Variants in EFHC2 observed in about 807,000 individuals in gnomAD.
The protein encoded by EFHC2 is EF-hand domain containing 2.
A neutral mutation model predicts 52.7 loss-of-function variants in EFHC2; 18 were observed. The observed-to-expected ratio is 0.34, with a 90% confidence interval of 0.24 to 0.51. The LOEUF is 0.51. Among genes scored for constraint, EFHC2 ranks in the 20% least tolerant of loss-of-function variants. The pLI is 0.97. For synonymous variants in EFHC2, 203 were observed against 204.1 expected, an observed-to-expected ratio of 0.99 and a Z score of 0.04; for missense variants, 513 against 562.5, an observed-to-expected ratio of 0.91 and a Z score of 0.89.
chrX:44,296,551 T>C (rs1366542489), intron 2 of EFHC2, among the ~76,000 whole-genome samples: 1 of 111,613 alleles, frequency 9.0e-6, no homozygotes, highest in African/African-American at 3.3e-5. Flanking sequence ...TAAAAGGACC[T>C]GCATGAAATT....
intron 1 of EFHC2, among the ~76,000 whole-genome samples, chrX:44,325,186 A>C (rs2038044743): frequency 8.9e-6 from 1 of 111,738 alleles, no homozygotes; most frequent in African/African-American, 3.3e-5. Flanking sequence ...GTAACAGTCC[A>C]TAGGGCACTT....
At chrX:44,341,624 AT>A (rs2038152247) in intron 1 of EFHC2, among the ~76,000 whole-genome samples, 1 of 111,062 alleles carries the variant, frequency 9.0e-6, no homozygotes, top group South Asian at 3.8e-4. Context: ...AATTTTTTCA[AT>A]CTTTTGTAGA....
chrX:44,305,123 G>A (rs2037895628), intron 2 of EFHC2, among the ~76,000 whole-genome samples: 1 of 110,316 alleles, frequency 9.1e-6, no homozygotes, highest in Non-Finnish European at 1.9e-5. Flanking sequence ...TTAGCCGGGT[G>A]TGGTGGTGGG....
At chrX:44,339,839 T>G (rs935330494) in intron 1 of EFHC2, among the ~76,000 whole-genome samples, 6 of 111,845 alleles carry the variant, frequency 5.4e-5, no homozygotes, top group African/African-American at 1.9e-4. Flanking sequence ...ACATCCAATC[T>G]TTTAACTAAG....
At chrX:44,320,867 C>T (rs2038014625) in intron 1 of EFHC2, among the ~76,000 whole-genome samples, 1 of 110,556 alleles carries the variant, frequency 9.0e-6, no homozygotes, top group Non-Finnish European at 1.9e-5. Context: ...CAGGACACCA[C>T]ATTATTCTGG....
intron 11 of EFHC2, among the ~76,000 whole-genome samples, chrX:44,204,234 C>CAAAA (rs61512189): frequency 9.0e-5 from 5 of 55,457 alleles, no homozygotes; most frequent in Admixed American, 2.2e-4. Flanking sequence ...GTAGCAAACC[C>CAAAA]AAAAAAAAAA....
intron 13 of EFHC2, among the ~76,000 whole-genome samples, chrX:44,175,076 T>C (rs1336062740): frequency 9.0e-6 from 1 of 111,383 alleles, no homozygotes; most frequent in Non-Finnish European, 1.9e-5. Context: ...AGACCCTATT[T>C]GAGAACAATG....
At chrX:44,178,630 C>G (rs754639932) in intron 11 of EFHC2, 66 bp from the exon 12 acceptor site, 29 of 922,453 alleles carry the variant, frequency 3.1e-5, no homozygotes, top group African/African-American at 4.0e-5. Flanking sequence ...ACATCTCCTT[C>G]TATTTAAAAG....
At chrX:44,208,187 T>C (rs1359247658) in intron 11 of EFHC2, among the ~76,000 whole-genome samples, 1 of 112,329 alleles carries the variant, frequency 8.9e-6, no homozygotes, top group Admixed American at 9.4e-5. Context: ...CTTTATCCAG[T>C]CCACTGTTGA....
chrX:44,203,224 G>T (rs1321289799), intron 11 of EFHC2, among the ~76,000 whole-genome samples: 1 of 111,082 alleles, frequency 9.0e-6, no homozygotes, highest in Non-Finnish European at 1.9e-5. Flanking sequence ...GAAAGAAAGT[G>T]CTTGTCACAC....
intron 2 of EFHC2, among the ~76,000 whole-genome samples, chrX:44,287,026 TAAAAAAAAAAAAAA>T (rs57970615): frequency 2.0e-4 from 3 of 15,209 alleles, no homozygotes; most frequent in Non-Finnish European, 3.5e-4. Flanking sequence ...CTCCCATCTC[TAAAAAAAAAAAAAA>T]AAAAAAAAAA....
intron 11 of EFHC2, among the ~76,000 whole-genome samples, chrX:44,195,275 C>T (rs985187385): frequency 3.6e-5 from 4 of 111,357 alleles, no homozygotes; most frequent in Non-Finnish European, 5.7e-5. Context: ...GCCATGAGAA[C>T]GACATACTTG....
At chrX:44,190,799 C>T (rs1466088479) in intron 11 of EFHC2, among the ~76,000 whole-genome samples, 1 of 110,483 alleles carries the variant, frequency 9.1e-6, no homozygotes, top group Admixed American at 9.7e-5. Flanking sequence ...TCTCACATCC[C>T]AAAGCTGTGC....
At chrX:44,281,726 T>C (rs1453730878) in intron 2 of EFHC2, among the ~76,000 whole-genome samples, 2 of 112,030 alleles carry the variant, frequency 1.8e-5, no homozygotes, top group African/African-American at 3.2e-5. Flanking sequence ...AACAAAAACA[T>C]GCTAACAAAA....
At chrX:44,215,056 A>G (rs1246619607) in intron 11 of EFHC2, among the ~76,000 whole-genome samples, 2 of 110,989 alleles carry the variant, frequency 1.8e-5, no homozygotes, top group African/African-American at 6.6e-5. Context: ...AGTTCTCAAG[A>G]GATGTGATGG....
chrX:44,189,458 A>C (rs145821388), intron 11 of EFHC2, among the ~76,000 whole-genome samples: 253 of 112,313 alleles, frequency 2.3e-3, no homozygotes, highest in African/African-American at 7.8e-3. Context: ...GCAAGAGATA[A>C]ATTAGAGAGC....
At chrX:44,298,860 CAAAAAAAA>C (rs34701706) in intron 2 of EFHC2, among the ~76,000 whole-genome samples, 63 of 22,722 alleles carry the variant, frequency 2.8e-3, no homozygotes, top group African/African-American at 6.1e-3. Flanking sequence ...GACTCTGTCT[CAAAAAAAA>C]AAAAAAAAAA....
intron 11 of EFHC2, among the ~76,000 whole-genome samples, chrX:44,226,374 G>C (rs1046014041): frequency 1.8e-5 from 2 of 111,342 alleles, no homozygotes; most frequent in Non-Finnish European, 1.9e-5. Context: ...TAATTCCAAA[G>C]GGTGAGTGGG....
intron 14 of EFHC2, among the ~76,000 whole-genome samples, chrX:44,163,434 AT>A (rs2036672300): frequency 9.0e-6 from 1 of 111,425 alleles, no homozygotes; most frequent in Non-Finnish European, 1.9e-5. Flanking sequence ...CTAACCAAGC[AT>A]TTTTCTACAG....
Sources: allele counts gnomAD v4.1 joint callset (sites outside exome capture counted in the v4.1 genomes callset), GRCh38; gene constraint gnomAD v4.1.1; transcripts MANE v1.5; gene names NCBI Gene and HGNC (gene_info 2026-07-23, HGNC 2026-07-21).